TATDN1: variants seen among roughly 807,000 people sequenced by gnomAD.
The protein encoded by TATDN1 is TatD DNase domain containing 1, also known as deoxyribonuclease TATDN1.
A neutral mutation model predicts 46.4 loss-of-function variants in TATDN1; 40 were observed. The observed-to-expected ratio is 0.86, with a 90% CI of 0.67 to 1.12. The LOEUF is 1.12. Among genes scored for constraint, TATDN1 ranks in the 50% most tolerant of loss-of-function variants. The pLI is 0.00. For synonymous variants in TATDN1, 95 were observed against 105.6 expected (o/e 0.90, Z 0.62); for missense variants, 326 against 348.4 (o/e 0.94, Z 0.51).
chr8:124,506,334 CAAAAAAA>C (rs56023168), intron 8 of TATDN1, among the ~76,000 whole-genome samples: 12 of 52,526 alleles, frequency 2.3e-4, no homozygotes, highest in Non-Finnish European at 3.3e-4. Context: ...GGCTCTGTCT[CAAAAAAA>C]AAAAAAAAAA....
chr8:124,500,991 A>C (rs1191951354), intron 9 of TATDN1, among the ~76,000 whole-genome samples: 1 of 152,194 alleles, frequency 6.6e-6, no homozygotes, highest in Non-Finnish European at 1.5e-5. Flanking sequence ...ACTGAAATGG[A>C]GATTCTTTGA....
In TATDN1 at chr8:124,508,699, C is replaced by T. The variant is rs1200062915; in HGVS notation, c.390-11G>A. 2 of 1,141,432 alleles carry T rather than the reference C, an allele frequency of 1.8e-6. No individual in the cohort carries two copies. Among genetic ancestry groups the T allele is most frequent in the Non-Finnish European group, 2.3e-6 (2 of 855,152 alleles). 70.7% of individuals were successfully genotyped at this position (1,141,432 alleles called of 1,614,324 possible). On this transcript the variant is annotated splice_polypyrimidine_tract_variant and intron_variant, in intron 6 of 11. Transcript: ENST00000276692. ...TGTTTTTCAAAATATCTGCATAATG[C>T]AAAAAAAAAAAATTCTCATTACAAA... is the stretch of plus-strand genomic sequence containing the variant.
At chr8:124,519,280 T>C (rs1819827480) in intron 3 of TATDN1, among the ~76,000 whole-genome samples, 1 of 152,242 alleles carries the variant, frequency 6.6e-6, no homozygotes, top group African/African-American at 2.4e-5. Flanking sequence ...CCAGTAGGTA[T>C]GTGAAGTCAA....
At chr8:124,526,139 T>C (rs1288056374) in intron 1 of TATDN1, among the ~76,000 whole-genome samples, 2 of 152,226 alleles carry the variant, frequency 1.3e-5, no homozygotes, top group Non-Finnish European at 2.9e-5. Context: ...TGTAAACCAA[T>C]GAGAATCCCT....
intron 1 of TATDN1, among the ~76,000 whole-genome samples, chr8:124,535,340 G>A (rs1370226020): frequency 1.3e-5 from 2 of 152,200 alleles, no homozygotes; most frequent in African/African-American, 2.4e-5. Flanking sequence ...TAGAGATCAC[G>A]TGGCCCTCAA....
intron 1 of TATDN1, among the ~76,000 whole-genome samples, chr8:124,527,764 T>C (rs1055209071): frequency 6.6e-6 from 1 of 151,768 alleles, no homozygotes; most frequent in Admixed American, 6.6e-5. Context: ...CTTTATTTTG[T>C]CCCATGTCAT....
chr8:124,492,353 A>C (rs1247559974), intron 11 of TATDN1, among the ~76,000 whole-genome samples: 1 of 152,234 alleles, frequency 6.6e-6, no homozygotes, highest in African/African-American at 2.4e-5. Flanking sequence ...TAAAGTCAAC[A>C]GCTATAATCT....
rs563342841 is a variant in TATDN1 at position 124,498,753 on chromosome 8, C to T, written c.594-3211G>A. On this transcript the variant is annotated intron_variant, in intron 9 of 11. Coordinates refer to ENST00000276692, the MANE Select transcript of TATDN1 (RefSeq NM_032026.4). Reference sequence around the variant, plus strand: ...GCATCCTCTGCCTCCCGGGTTCACACAATTCTCCTGCCTCAGCCTCCCAAG... The same window carrying T: ...GCATCCTCTGCCTCCCGGGTTCACATAATTCTCCTGCCTCAGCCTCCCAAG... 2.0e-5 allele frequency among the ~76,000 whole-genome samples: 3 copies of T among 152,212 alleles called. No homozygotes were observed. The South Asian group carries it at 6.2e-4, about 32-fold the overall frequency.
At chr8:124,531,870 G>A (rs1260498619) in intron 1 of TATDN1, among the ~76,000 whole-genome samples, 1 of 152,198 alleles carries the variant, frequency 6.6e-6, no homozygotes, top group Non-Finnish European at 1.5e-5. Flanking sequence ...GGATTCTAAT[G>A]GGTTAGATTA....
At chr8:124,526,294 T>C (rs1820495295) in intron 1 of TATDN1, among the ~76,000 whole-genome samples, 1 of 152,212 alleles carries the variant, frequency 6.6e-6, no homozygotes, top group Admixed American at 6.5e-5. Flanking sequence ...TTGAATAAAC[T>C]CTGTAAACTA....
chr8:124,493,792 T>C, intron 11 of TATDN1, 41 bp downstream of exon 11: 7 of 1,560,928 alleles, frequency 4.5e-6, no homozygotes, highest in African/African-American at 1.4e-5. Flanking sequence ...CATCTGGTGG[T>C]TAACTAATGA....
intron 9 of TATDN1, among the ~76,000 whole-genome samples, chr8:124,496,694 CCA>C (rs1175218321): frequency 2.6e-5 from 4 of 152,210 alleles, no homozygotes; most frequent in African/African-American, 7.2e-5. Flanking sequence ...ACTGGACATA[CCA>C]CAGTTTATCC....
At chr8:124,501,995 A>G (rs1208694257) in intron 9 of TATDN1, among the ~76,000 whole-genome samples, 2 of 152,218 alleles carry the variant, frequency 1.3e-5, no homozygotes, top group African/African-American at 4.8e-5. Flanking sequence ...TAAATTCTCA[A>G]TGAAAATGAT....
chr8:124,532,189 G>T (rs149901717), intron 1 of TATDN1, among the ~76,000 whole-genome samples: 4 of 152,178 alleles, frequency 2.6e-5, no homozygotes, highest in African/African-American at 9.7e-5. Flanking sequence ...GGTTGCCTTC[G>T]CTGTCTTCTG....
chr8:124,509,256 G>C (rs566653910), intron 6 of TATDN1, among the ~76,000 whole-genome samples: 2 of 152,320 alleles, frequency 1.3e-5, no homozygotes, highest in Non-Finnish European at 2.9e-5. Flanking sequence ...TGTCTCATTT[G>C]ATCCTCAAAA....
chr8:124,538,765 C>T (rs561007398), intron 1 of TATDN1, among the ~76,000 whole-genome samples: 2 of 152,188 alleles, frequency 1.3e-5, no homozygotes, highest in Admixed American at 6.5e-5. Context: ...GAATACATTA[C>T]AGATGTTGAA....
In TATDN1 at chr8:124,493,034, T is replaced by C. The variant is rs1817159745; in HGVS notation, c.791+799A>G. 2.6e-5 allele frequency among the ~76,000 whole-genome samples: 4 copies of C among 152,192 alleles called. No individual in the cohort carries two copies. In the South Asian group the frequency reaches 8.3e-4, roughly 31 times the overall value. ...TTTCAAACATATTTTTATAGAATAA[T>C]TCTTCACTGTTCTTATCTGGCTTAT... On this transcript the variant is annotated intron_variant, in intron 11 of 11. Transcript: ENST00000276692.
At chr8:124,493,220 G>A (rs989409982) in intron 11 of TATDN1, among the ~76,000 whole-genome samples, 2 of 152,140 alleles carry the variant, frequency 1.3e-5, no homozygotes, top group African/African-American at 4.8e-5. Flanking sequence ...ATGCCCAATT[G>A]TCTGAATTGG....
intron 11 of TATDN1, chr8:124,490,327 T>A (rs1051861305): frequency 6.6e-6 from 1 of 152,242 alleles, no homozygotes; most frequent in South Asian, 2.1e-4. Context: ...GTGGGCAATA[T>A]GGTGAAACCC....
Sources: gnomAD v4.1 joint callset for allele counts (sites outside exome capture counted in the v4.1 genomes callset) on GRCh38, gnomAD v4.1.1 for gene constraint, MANE v1.5 for transcripts, NCBI Gene and HGNC (gene_info 2026-07-23, HGNC 2026-07-21) for gene names.